Variants in IL17B observed in about 807,000 individuals in gnomAD.
IL17B encodes the protein interleukin 17B, also known as interleukin-17B.
Under a neutral mutation model 14.7 loss-of-function variants are expected in IL17B, and 14 were observed. That is an observed-to-expected ratio of 0.95 (90% CI 0.63 to 1.49). The LOEUF (loss-of-function observed/expected upper bound fraction) is 1.49, where lower values mean the gene tolerates loss of function less well. IL17B is among the 40% of genes most tolerant of loss of function. The pLI, the probability that IL17B is intolerant of heterozygous loss-of-function variation, is 0.00. For missense variants in IL17B, 233 were observed against 252.8 expected (o/e 0.92, Z 0.53); for synonymous variants, 105 against 94.8 (o/e 1.11, Z -0.62).
intron 1 of IL17B, among the ~76,000 whole-genome samples, chr5:149,388,245 A>G (rs999003390): frequency 6.6e-6 from 1 of 152,198 alleles, no homozygotes; most frequent in Non-Finnish European, 1.5e-5. Flanking sequence ...TGCTCTTAGA[A>G]AAACCTAGGA....
chr5:149,385,445 G>C (rs1758806518), intron 1 of IL17B, among the ~76,000 whole-genome samples: 1 of 152,208 alleles, frequency 6.6e-6, no homozygotes, highest in Non-Finnish European at 1.5e-5. Flanking sequence ...TACGCGGCCA[G>C]TTTTTGAGCT....
intron 1 of IL17B, among the ~76,000 whole-genome samples, chr5:149,385,771 G>A (rs903905275): frequency 1.1e-4 from 17 of 152,350 alleles, no homozygotes; most frequent in African/African-American, 4.1e-4. Flanking sequence ...CTCTGGCTGG[G>A]TGGGTCTGGG....
chr5:149,400,390 A>C (rs1404639956), intron 1 of IL17B, among the ~76,000 whole-genome samples: 3 of 152,196 alleles, frequency 2.0e-5, no homozygotes, highest in African/African-American at 7.2e-5. Context: ...TTCTGCTGAC[A>C]CTTATCTCGG....
At chr5:149,377,351 AG>A (rs914683350) in intron 1 of IL17B, among the ~76,000 whole-genome samples, 2 of 152,108 alleles carry the variant, frequency 1.3e-5, no homozygotes, top group African/African-American at 4.8e-5. Context: ...TCGCTTTCTT[AG>A]GGATGCCTCT....
At chr5:149,402,525 C>T (rs1455302768) in intron 1 of IL17B, among the ~76,000 whole-genome samples, 1 of 152,072 alleles carries the variant, frequency 6.6e-6, no homozygotes, top group East Asian at 1.9e-4. Context: ...ACTTCCTGTC[C>T]TGGCCTATCT....
chr5:149,389,004 G>A (rs1353952518), intron 1 of IL17B, among the ~76,000 whole-genome samples: 1 of 152,312 alleles, frequency 6.6e-6, no homozygotes, highest in Admixed American at 6.5e-5. Flanking sequence ...AGGCCATAAC[G>A]TAAAGTCTAG....
intron 1 of IL17B, among the ~76,000 whole-genome samples, chr5:149,377,459 G>T (rs1378248946): frequency 6.6e-6 from 1 of 152,328 alleles, no homozygotes; most frequent in East Asian, 1.9e-4. Context: ...CCCCAACTCA[G>T]CATGGACTCC....
intron 1 of IL17B, among the ~76,000 whole-genome samples, chr5:149,396,021 TGTC>T (rs768993899): frequency 2.6e-5 from 4 of 152,216 alleles, no homozygotes; most frequent in Non-Finnish European, 5.9e-5. Context: ...AAACTGAAGT[TGTC>T]GTTGTTGCCA....
chr5:149,379,617 G>A (rs1758636914), upstream of IL17B, among the ~76,000 whole-genome samples: 1 of 152,228 alleles, frequency 6.6e-6, no homozygotes. Context: ...GCAAGGGGTT[G>A]AGGGTGGAGG....
Position 149,387,574 on chromosome 5 carries a change from G to A in IL17B, n.96-10549C>T, listed in dbSNP as rs568807065. Among the ~76,000 whole-genome samples, 5 of 152,220 alleles carry A rather than the reference G, an allele frequency of 3.3e-5. No homozygotes were observed. The South Asian group carries it at 1.0e-3, about 32-fold the overall frequency. ...GCTTGAGGTCAGGAGTTCAAGATGA[G>A]TTCTGGCAACATAGCGAGATCCTCG... On this transcript the variant is annotated intron_variant and non_coding_transcript_variant, in intron 1 of 2. Coordinates refer to the IL17B transcript ENST00000505432.
chr5:149,399,992 T>C (rs368562878), intron 1 of IL17B, among the ~76,000 whole-genome samples: 2 of 152,188 alleles, frequency 1.3e-5, no homozygotes, highest in African/African-American at 4.8e-5. Context: ...TCACAGTAGC[T>C]ACTGGCAAGC....
chr5:149,397,360 C>T (rs190332812), intron 1 of IL17B, among the ~76,000 whole-genome samples: 17 of 152,160 alleles, frequency 1.1e-4, no homozygotes, highest in African/African-American at 2.6e-4. Flanking sequence ...GTAGAGACAG[C>T]GTTTTGCCAT....
In IL17B at chr5:149,374,328, G is replaced by A. The variant is rs1217135008; in HGVS notation, c.*41C>T. On this transcript the variant is annotated 3_prime_UTR_variant, in exon 3 of 3. Transcript: ENST00000261796. This position sits in a 1 kb window ranked among gnomAD's most constrained non-coding sequence, Gnocchi z 5.0. ...TTTCTTGGCACAAAGGTGCAAGGAGGATGGTCTCGGGCTGCTGGCCTGGCT... is the reference window on the plus strand; with the variant it reads ...TTTCTTGGCACAAAGGTGCAAGGAGAATGGTCTCGGGCTGCTGGCCTGGCT... The A allele has an allele frequency of 4.7e-6, 7 of 1,500,734 alleles. No individual in the cohort carries two copies. Among genetic ancestry groups the A allele is most frequent in the Non-Finnish European group, 6.3e-6 (7 of 1,117,702 alleles). 93.0% of individuals were successfully genotyped at this position (1,500,734 alleles called of 1,614,324 possible).
rs2127616069 is a variant in IL17B at position 149,374,299 on chromosome 5, G to A, written c.*70C>T. 1 of 1,393,260 alleles carries A rather than the reference G, an allele frequency of 7.2e-7. No homozygotes were observed. The highest frequency in any genetic ancestry group is 9.6e-7 in the Non-Finnish European group (1 of 1,040,512). 86.3% of individuals were successfully genotyped at this position (1,393,260 alleles called of 1,614,324 possible). A position where few individuals can be genotyped will look rare whatever the true frequency, so the allele number is the denominator to read the frequency against. ...CAAAAGTCAGTGTTTACTTTTCATA[G>A]GCCTTTCTTGGCACAAAGGTGCAAG... On this transcript the variant is annotated 3_prime_UTR_variant, in exon 3 of 3. Transcript: ENST00000261796. The surrounding 1 kb of genome is among the most constrained non-coding windows in gnomAD (Gnocchi z 5.0).
intron 1 of IL17B, among the ~76,000 whole-genome samples, chr5:149,387,353 G>A (rs1428043629): frequency 6.6e-6 from 1 of 152,226 alleles, no homozygotes; most frequent in Non-Finnish European, 1.5e-5. Flanking sequence ...TCTAATGTGA[G>A]AAGGCAGCTT....
At chr5:149,403,778 G>C (rs1249793435) in intron 1 of IL17B, among the ~76,000 whole-genome samples, 1 of 152,148 alleles carries the variant, frequency 6.6e-6, no homozygotes, top group Non-Finnish European at 1.5e-5. Flanking sequence ...TAATAACAGG[G>C]AACTCACCAC....
At chr5:149,393,777 C>A (rs1759035390) in intron 1 of IL17B, among the ~76,000 whole-genome samples, 1 of 152,090 alleles carries the variant, frequency 6.6e-6, no homozygotes, top group Non-Finnish European at 1.5e-5. Context: ...ATACCTAAAG[C>A]TGAACTACCC....
intron 1 of IL17B, among the ~76,000 whole-genome samples, chr5:149,393,780 A>C (rs1242388975): frequency 1.3e-5 from 2 of 152,134 alleles, no homozygotes; most frequent in Non-Finnish European, 2.9e-5. Flanking sequence ...CCTAAAGCTG[A>C]ACTACCCGTG....
intron 1 of IL17B, among the ~76,000 whole-genome samples, chr5:149,389,167 A>G (rs1758889148): frequency 6.6e-6 from 1 of 152,238 alleles, no homozygotes; most frequent in Non-Finnish European, 1.5e-5. Context: ...GAGTTAAGGA[A>G]TTGTCTCTTC....
Sources: gnomAD v4.1 joint callset for allele counts (sites outside exome capture counted in the v4.1 genomes callset) on GRCh38, gnomAD v4.1.1 for gene constraint, Gnocchi (gnomAD v3.1) non-coding constraint, MANE v1.5 for transcripts, NCBI Gene and HGNC (gene_info 2026-07-23, HGNC 2026-07-21) for gene names.